The following SDSL variants were observed in gnomAD, a reference collection of about 807,000 sequenced individuals.
SDSL encodes the protein serine dehydratase like, also known as serine dehydratase-like.
In SDSL, 26 loss-of-function variants were observed where a neutral mutation model predicts 27.6. That is an observed-to-expected ratio of 0.94 (90% confidence interval 0.69 to 1.31). The LOEUF is 1.31. Ranked by LOEUF, SDSL falls within the 50% of genes most tolerant of loss-of-function variation. SDSL has a pLI of 0.00. For missense variants in SDSL, 431 were observed against 423.5 expected (o/e 1.02, Z -0.16); for synonymous variants, 196 against 180.6 (o/e 1.09, Z -0.69).
At chr12:113,432,248 CTT>C (rs572290399) in intron 4 of SDSL, among the ~76,000 whole-genome samples, 21 of 139,446 alleles carry the variant, frequency 1.5e-4, no homozygotes, top group African/African-American at 6.0e-4. Context: ...TTCTTTCTTT[CTT>C]TCTTTCTTTC....
Position 113,428,470 on chromosome 12 carries a change from C to T in SDSL, c.214+11C>T, listed in dbSNP as rs372442064. 8.2e-5 allele frequency: 132 copies of T among 1,610,184 alleles called. No individual in the cohort carries two copies. In the African/African-American group the frequency reaches 1.1e-3, roughly 14 times the overall value. On this transcript the variant is annotated intron_variant, in intron 3 of 7. Transcript: ENST00000403593. ...TGGTGTGCTCCTCAGGTGACCCCAC[C>T]TTTTTTTGTTTCATGGGCAGAGGTT...
Position 113,432,930 on chromosome 12 carries a change from T to G in SDSL, c.355-1204T>G, listed in dbSNP as rs564022123. On this transcript the variant is annotated intron_variant, in intron 4 of 7. Transcript: ENST00000403593. ...ATCCAATCCACCATTGATGGGCACC[T>G]GGGTTGATTCCATGTCTTTGCTATT... is the stretch of plus-strand genomic sequence containing the variant. Among the ~76,000 whole-genome samples the G allele has an allele frequency of 2.1e-4, 32 of 152,358 alleles. No homozygotes were observed. The South Asian group carries it at 5.6e-3, about 27-fold the overall frequency.
intron 4 of SDSL, among the ~76,000 whole-genome samples, chr12:113,430,229 T>A (rs1337503703): frequency 2.0e-5 from 3 of 152,182 alleles, no homozygotes; most frequent in Non-Finnish European, 4.4e-5. Context: ...TAGTAAGACA[T>A]GGTCTTTACA....
chr12:113,435,587 C>T (rs778977575), intron 6 of SDSL, 31 bp downstream of exon 6: 2 of 1,575,508 alleles, frequency 1.3e-6, no homozygotes, highest in Non-Finnish European at 1.7e-6. Flanking sequence ...TTTGTAGGGG[C>T]TGGAGGGTGG....
Position 113,436,701 on chromosome 12 carries a change from C to G in SDSL, c.672-50C>G, listed in dbSNP as rs189496885. The G allele has an allele frequency of 1.1e-3, 1,673 of 1,509,312 alleles. 14 individuals carry two copies. In the African/African-American group the frequency reaches 0.018, roughly 16 times the overall value. The allele number at this position is 1,509,312 out of a possible 1,614,324, so 93.5% of individuals were successfully genotyped here. A position where few individuals can be genotyped will look rare whatever the true frequency, so the allele number is the denominator to read the frequency against. On this transcript the variant is annotated intron_variant, in intron 6 of 7. Transcript: ENST00000403593. ...GCTGGGGAGAGACCTGTTTCACCAG[C>G]TCTTCCCTGAGCCCCTGGTCTCCCT...
chr12:113,432,256 CTTT>C (rs1957935995), intron 4 of SDSL, among the ~76,000 whole-genome samples: 4 of 140,542 alleles, frequency 2.8e-5, no homozygotes, highest in African/African-American at 8.3e-5. Flanking sequence ...TTCTTTCTTT[CTTT>C]CTTTCTTTCT....
At position 113,435,347 on chromosome 12, in the gene SDSL, G is replaced by C. The variant is rs1210784068; in HGVS notation, c.462G>C (p.Leu154=). 1 of 1,548,590 alleles carries C rather than the reference G, an allele frequency of 6.5e-7. No homozygotes were observed. Among genetic ancestry groups the C allele is most frequent in the Non-Finnish European group, 8.7e-7 (1 of 1,147,368 alleles). Residue 154 remains leucine (L), a synonymous_variant, in exon 6 of 8, where the codon CTG becomes CTC. Coordinates refer to ENST00000403593, the MANE Select transcript of SDSL (RefSeq NM_001304993.2). ...HPLIWKGHAS[L]VQELKAVLRT... ...TCCCCAGGAAAGGCCACGCCAGCCT[G>C]GTGCAGGAGCTGAAAGCAGTGCTGA...
chr12:113,436,145 C>G (rs534846602), intron 6 of SDSL, among the ~76,000 whole-genome samples: 2 of 152,074 alleles, frequency 1.3e-5, no homozygotes, highest in Non-Finnish European at 2.9e-5. Context: ...CCAAACCCCC[C>G]AAAAGCCAAT....
chr12:113,429,241 C>T lies in SDSL; in HGVS notation c.296C>T (p.Ser99Phe). 1 of 1,613,772 alleles carries T rather than the reference C, an allele frequency of 6.2e-7. No homozygotes were observed. The highest frequency in any genetic ancestry group is 1.7e-5 in the Admixed American group (1 of 60,006). The change falls in exon 4 of 8, where the codon TCC becomes TTC. Residue 99 changes from serine (S) to phenylalanine (F), a missense_variant. Coordinates refer to ENST00000403593, the MANE Select transcript of SDSL (RefSeq NM_001304993.2). The stretch of plus-strand genomic sequence containing the variant: ...ACCATCGTGCTCCCCGAGAGCACCT[C>T]CCTGCAGGTGGTGCAGAGGCTGCAG... ...PATIVLPEST[S>F]LQVVQRLQGE...
chr12:113,429,782 G>GA (rs970367548), intron 4 of SDSL, among the ~76,000 whole-genome samples: 4 of 151,878 alleles, frequency 2.6e-5, no homozygotes, highest in Admixed American at 6.6e-5. Flanking sequence ...TGTGAAGAAG[G>GA]AAAAAATCAT....
At chr12:113,424,097 C>T (rs1048226188) in intron 1 of SDSL, among the ~76,000 whole-genome samples, 1 of 152,118 alleles carries the variant, frequency 6.6e-6, no homozygotes, top group Non-Finnish European at 1.5e-5. Flanking sequence ...AACCTCGCCT[C>T]ACCGCAACCT....
chr12:113,435,666 G>T, intron 6 of SDSL, 110 bp downstream of exon 6: 1 of 865,972 alleles, frequency 1.2e-6, no homozygotes, highest in Non-Finnish European at 1.8e-6. Context: ...GGCTGTCCTT[G>T]GTCCTGGGAC....
In SDSL at chr12:113,437,909, C is replaced by G. The variant is rs768719135; in HGVS notation, c.820C>G (p.Pro274Ala). 7 of 1,609,838 alleles carry G rather than the reference C, an allele frequency of 4.3e-6. No homozygotes were observed. Among genetic ancestry groups the G allele is most frequent in the Non-Finnish European group, 5.9e-6 (7 of 1,178,364 alleles). The change falls in exon 8 of 8, where the codon CCT becomes GCT. Residue 274 changes from proline to alanine, a missense_variant. Pro to Ala is a conservative substitution (Grantham distance 27). Transcript: ENST00000403593. ...AGATGATGAGCGTATGCTGGTGGAG[C>G]CTGCCTGTGGGGCAGCCTTAGCAGC... ...LLDDERMLVE[P>A]ACGAALAAIY...
intron 7 of SDSL, among the ~76,000 whole-genome samples, chr12:113,437,447 C>A (rs929145385): frequency 2.0e-5 from 3 of 151,702 alleles, no homozygotes; most frequent in Non-Finnish European, 4.4e-5. Context: ...GATGGATGGA[C>A]GGATGGATGG....
Position 113,438,131 on chromosome 12 carries a change from T to G in SDSL, c.*52T>G, listed in dbSNP as rs1958025222. On this transcript the variant is annotated 3_prime_UTR_variant, in exon 8 of 8. Coordinates refer to ENST00000403593, the MANE Select transcript of SDSL (RefSeq NM_001304993.2). The stretch of plus-strand genomic sequence containing the variant: ...CCTGAGAGGCCCATGGACAGTCCTG[T>G]GTCTGGATGAGGAGGACTCAGTGCT... The G allele has an allele frequency of 6.8e-7, 1 of 1,464,066 alleles. No homozygotes were observed. The highest frequency in any genetic ancestry group is 2.0e-5 in the Admixed American group (1 of 50,716). 90.7% of individuals were successfully genotyped at this position (1,464,066 alleles called of 1,614,324 possible).
At chr12:113,425,606 T>C (rs1436080461) in intron 1 of SDSL, 5 of 453,236 alleles carry the variant, frequency 1.1e-5, no homozygotes, top group Admixed American at 2.4e-5. Context: ...TTTTCCTTTT[T>C]TTTTCTCTAC....
intron 4 of SDSL, among the ~76,000 whole-genome samples, chr12:113,432,403 G>A (rs904067011): frequency 1.3e-4 from 20 of 151,366 alleles, no homozygotes; most frequent in African/African-American, 3.9e-4. Flanking sequence ...GCGCAGTGGC[G>A]CCATCTTGGC....
chr12:113,424,257 G>A (rs1447165735), intron 1 of SDSL, among the ~76,000 whole-genome samples: 1 of 151,988 alleles, frequency 6.6e-6, no homozygotes, highest in Non-Finnish European at 1.5e-5. Flanking sequence ...CTTGACCTCA[G>A]GTGATCCGCC....
chr12:113,430,724 C>G (rs1345086845), intron 4 of SDSL, among the ~76,000 whole-genome samples: 1 of 152,096 alleles, frequency 6.6e-6, no homozygotes, highest in Non-Finnish European at 1.5e-5. Context: ...TCCACCCACT[C>G]TAGTGAGAAG....
Sources: allele counts gnomAD v4.1 joint callset (sites outside exome capture counted in the v4.1 genomes callset), GRCh38; gene constraint gnomAD v4.1.1; transcripts MANE v1.5; gene names NCBI Gene and HGNC (gene_info 2026-07-23, HGNC 2026-07-21).